HROB: variants seen among roughly 807,000 people sequenced by gnomAD.
The protein encoded by HROB is homologous recombination factor with OB-fold.
In HROB, 44 loss-of-function variants were observed where a neutral mutation model predicts 61.0. That is an observed-to-expected ratio of 0.72 (90% CI 0.57 to 0.93). HROB has a LOEUF of 0.93. Among genes scored for constraint, HROB ranks in the 40% least tolerant of loss-of-function variants. The pLI is 0.00. For missense variants in HROB, 716 were observed against 796.2 expected (o/e 0.90, Z 1.21); for synonymous variants, 301 against 310.4 (o/e 0.97, Z 0.32).
intron 5 of HROB, among the ~76,000 whole-genome samples, chr17:44,153,466 A>C (rs1485890969): frequency 6.6e-6 from 1 of 151,966 alleles, no homozygotes; most frequent in Non-Finnish European, 1.5e-5. Flanking sequence ...TTTAAAAAAA[A>C]CCCAAGGCCG....
chr17:44,160,338 T>C (rs1351514250), intron 9 of HROB, among the ~76,000 whole-genome samples: 5 of 152,058 alleles, frequency 3.3e-5, no homozygotes, highest in East Asian at 3.9e-4. Context: ...GAGGCCAAGG[T>C]GGGCGGATCA....
rs1055445171 is a variant in HROB at position 44,142,114 on chromosome 17, C to T, written c.-29C>T. ...CCCGGACTCGGGGTGCCGGGCCAAC[C>T]TCCCCGCCGAGGCCCACCCGCCGTC... On this transcript the variant is annotated 5_prime_UTR_variant, in exon 1 of 10. Coordinates refer to ENST00000585683, the MANE Select transcript of HROB (RefSeq NM_001171251.3). 106 of 1,530,278 alleles carry T rather than the reference C, an allele frequency of 6.9e-5. No homozygotes were observed. Among genetic ancestry groups the T allele is most frequent in the Non-Finnish European group, 8.9e-5 (102 of 1,143,858 alleles). 94.8% of individuals were successfully genotyped at this position (1,530,278 alleles called of 1,614,324 possible).
intron 4 of HROB, 106 bp from the exon 5 acceptor site, chr17:44,152,531 G>C (rs1004738127): frequency 3.7e-6 from 5 of 1,336,104 alleles, no homozygotes; most frequent in Non-Finnish European, 4.1e-6. Flanking sequence ...CAGTTTTTCC[G>C]AGGGGATTTG....
At chr17:44,155,220 C>T in intron 7 of HROB, 66 bp from the exon 8 acceptor site, 2 of 1,597,072 alleles carry the variant, frequency 1.3e-6, no homozygotes, top group South Asian at 2.3e-5. Flanking sequence ...AGGTGGGAGC[C>T]AGGTGTCCAT....
chr17:44,158,632 G>A (rs543505041), intron 9 of HROB, among the ~76,000 whole-genome samples: 112 of 149,360 alleles, frequency 7.5e-4, no homozygotes, highest in African/African-American at 2.7e-3. Flanking sequence ...ATAGGTATGT[G>A]CCACTATGCC....
intron 6 of HROB, 54 bp from the exon 7 acceptor site, chr17:44,154,799 C>T: frequency 6.2e-7 from 1 of 1,604,082 alleles, no homozygotes; most frequent in South Asian, 1.1e-5. Flanking sequence ...GGGCCCATAC[C>T]AGTCGCTGTG....
rs730228 is a variant in HROB at position 44,161,981 on chromosome 17, T to C, written c.*49T>C. 530,417 of 1,571,472 alleles carry C rather than the reference T, an allele frequency of 0.34. 99,838 individuals carry two copies. The highest frequency in any genetic ancestry group is 0.69 in the African/African-American group (51,012 of 73,922). The stretch of plus-strand genomic sequence containing the variant: ...CACCATGAGCAGGCAGCTCTGGGCA[T>C]GTGTCTGGTCACATCCAAGGGGGAG... On this transcript the variant is annotated 3_prime_UTR_variant, in exon 10 of 10. Coordinates refer to ENST00000585683, the MANE Select transcript of HROB (RefSeq NM_001171251.3).
At chr17:44,149,907 G>T (rs1215926789) in intron 3 of HROB, among the ~76,000 whole-genome samples, 2 of 152,206 alleles carry the variant, frequency 1.3e-5, no homozygotes, top group Non-Finnish European at 2.9e-5. Flanking sequence ...TCTGCCTTAG[G>T]CTTGCTGAGT....
chr17:44,149,927 A>G (rs956140967), intron 3 of HROB, among the ~76,000 whole-genome samples: 1 of 152,102 alleles, frequency 6.6e-6, no homozygotes, highest in Non-Finnish European at 1.5e-5. Context: ...TGGGCTTTGG[A>G]TGGATGAGTA....
intron 5 of HROB, among the ~76,000 whole-genome samples, chr17:44,153,689 G>C (rs2053884547): frequency 1.3e-5 from 2 of 152,158 alleles, no homozygotes; most frequent in Admixed American, 6.6e-5. Context: ...AAGTTGCGGT[G>C]AGCCAAGATG....
At chr17:44,161,727 G>A in intron 9 of HROB, 144 bp from the exon 10 acceptor site, 1 of 796,984 alleles carries the variant, frequency 1.3e-6, no homozygotes, top group Non-Finnish European at 2.1e-6. Context: ...CAGGCCCATT[G>A]GCATGGGTAC....
intron 2 of HROB, among the ~76,000 whole-genome samples, chr17:44,147,282 A>T (rs928828813): frequency 6.6e-6 from 1 of 152,034 alleles, no homozygotes; most frequent in Admixed American, 6.6e-5. Flanking sequence ...CTCCCCACCC[A>T]TGAAGACTGA....
At chr17:44,157,405 C>CTTTTTTTTT (rs71160088) in intron 8 of HROB, among the ~76,000 whole-genome samples, 5 of 81,476 alleles carry the variant, frequency 6.1e-5, no homozygotes, top group African/African-American at 2.5e-4. Flanking sequence ...CATCATGTTT[C>CTTTTTTTTT]TTTTTTTTTT....
intron 6 of HROB, 47 bp from the exon 7 acceptor site, chr17:44,154,806 T>C (rs764477436): frequency 1.9e-6 from 3 of 1,608,794 alleles, no homozygotes; most frequent in Non-Finnish European, 2.6e-6. Context: ...TACCAGTCGC[T>C]GTGCTGCCCT....
chr17:44,148,513 G>A lies in HROB; in HGVS notation c.710G>A (p.Arg237Lys), dbSNP rs1464284313. ...DESLDPVIQC[R>K]TPRPPLRPGA... ...TCTCTAGATCCTGTCATCCAATGTA[G>A]GACTCCACGACCCCCCTTGAGACCT... The change falls in exon 3 of 10, where the codon AGG (arginine) becomes AAG (lysine). Residue 237 changes from arginine (R) to lysine (K), a missense_variant. Coordinates refer to ENST00000585683, the MANE Select transcript of HROB (RefSeq NM_001171251.3). 1 of 1,614,080 alleles carries A rather than the reference G, an allele frequency of 6.2e-7. No homozygotes were observed.
intron 9 of HROB, among the ~76,000 whole-genome samples, chr17:44,160,357 G>A (rs1343731364): frequency 1.3e-5 from 2 of 152,070 alleles, no homozygotes; most frequent in East Asian, 1.9e-4. Context: ...CACGAGGTCA[G>A]GAGATCGAGA....
At chr17:44,150,165 C>A (rs1248762920) in intron 3 of HROB, among the ~76,000 whole-genome samples, 2 of 152,168 alleles carry the variant, frequency 1.3e-5, no homozygotes, top group African/African-American at 4.8e-5. Flanking sequence ...GATAATTGGA[C>A]TCTGAGGATC....
intron 9 of HROB, 88 bp downstream of exon 9, chr17:44,158,029 C>T (rs1281598416): frequency 3.3e-5 from 30 of 916,106 alleles, no homozygotes; most frequent in Non-Finnish European, 5.0e-5. Context: ...TATCTTGTTC[C>T]TCTTTCCATG....
intron 4 of HROB, among the ~76,000 whole-genome samples, chr17:44,152,255 C>A (rs1254399743): frequency 4.6e-5 from 7 of 152,114 alleles, no homozygotes; most frequent in African/African-American, 1.7e-4. Flanking sequence ...GCTGGGATAA[C>A]AGGTGTGAGC....
Sources: gnomAD v4.1 joint callset for allele counts (sites outside exome capture counted in the v4.1 genomes callset) on GRCh38, gnomAD v4.1.1 for gene constraint, MANE v1.5 for transcripts, NCBI Gene and HGNC (gene_info 2026-07-23, HGNC 2026-07-21) for gene names.